APBA2: variants seen among roughly 807,000 people sequenced by gnomAD.
APBA2 encodes the protein amyloid-beta A4 precursor protein-binding family A member 2.
In APBA2, 30 loss-of-function variants were observed where a neutral mutation model predicts 75.0. The observed-to-expected ratio is 0.40, with a 90% CI of 0.30 to 0.54. The LOEUF (loss-of-function observed/expected upper bound fraction) is 0.54. APBA2 is among the 20% of genes least tolerant of loss of function. APBA2 has a pLI of 0.49. For synonymous variants in APBA2, 444 were observed against 409.6 expected (o/e 1.08, Z -1.01); for missense variants, 801 against 1,016.1 (o/e 0.79, Z 2.88).
chr15:29,061,101 C>T (rs555189058), intron 4 of APBA2, among the ~76,000 whole-genome samples: 1 of 152,312 alleles, frequency 6.6e-6, no homozygotes, highest in East Asian at 1.9e-4. Context: ...TGTCCAGCAC[C>T]AAAGATCCTA....
At chr15:29,062,709 A>G (rs2042183551) in intron 4 of APBA2, among the ~76,000 whole-genome samples, 2 of 152,110 alleles carry the variant, frequency 1.3e-5, no homozygotes, top group Admixed American at 6.5e-5. Context: ...TCCCACTACC[A>G]CTAATAGTGA....
intron 4 of APBA2, among the ~76,000 whole-genome samples, chr15:29,058,209 G>A (rs10163088): frequency 0.015 from 2,223 of 152,168 alleles, 67 homozygotes; most frequent in African/African-American, 0.052. Flanking sequence ...TGGTCTGGTC[G>A]ATACGAAAAA....
chr15:29,025,394 C>A (rs1401567190), intron 3 of APBA2, among the ~76,000 whole-genome samples: 1 of 151,738 alleles, frequency 6.6e-6, no homozygotes, highest in Non-Finnish European at 1.5e-5. Context: ...GCCTCCTGAG[C>A]AGCTGGGACT....
chr15:28,904,506 G>A (rs1241892715), intron 1 of APBA2, among the ~76,000 whole-genome samples: 1 of 152,188 alleles, frequency 6.6e-6, no homozygotes, highest in African/African-American at 2.4e-5. Flanking sequence ...AGAATTGCTG[G>A]GCAAAATGTT....
chr15:29,088,527 C>G lies in APBA2; in HGVS notation c.1070-4548C>G, dbSNP rs2043398888. On this transcript the variant is annotated intron_variant, in intron 6 of 14. Transcript: ENST00000683413. ...TAGCGTCCTCATCTTCTCTCAGACT[C>G]CAGTCCACCTTTCCGTCCTGTTGAT... Among the ~76,000 whole-genome samples, 5 of 152,274 alleles carry G rather than the reference C, an allele frequency of 3.3e-5. No individual in the cohort carries two copies. In the South Asian group the frequency reaches 1.0e-3, roughly 32 times the overall value.
At chr15:29,017,067 A>G (rs1566910192) in intron 3 of APBA2, among the ~76,000 whole-genome samples, 1 of 152,006 alleles carries the variant, frequency 6.6e-6, no homozygotes, top group Non-Finnish European at 1.5e-5. Context: ...GGTCCCGGGT[A>G]CCCCTGATTC....
chr15:28,984,205 T>C (rs1250184475), intron 2 of APBA2, among the ~76,000 whole-genome samples: 2 of 152,022 alleles, frequency 1.3e-5, no homozygotes, highest in Non-Finnish European at 2.9e-5. Context: ...GCGTTATTAT[T>C]CGGGACTCTG....
chr15:29,015,365 T>C (rs994035733), intron 3 of APBA2, among the ~76,000 whole-genome samples: 1 of 152,118 alleles, frequency 6.6e-6, no homozygotes, highest in Non-Finnish European at 1.5e-5. Context: ...AAAATTCCAG[T>C]GTTAAGAGAC....
Position 29,046,255 on chromosome 15 carries a change from C to T in APBA2, c.-40-7590C>T, listed in dbSNP as rs2041324251. Among the ~76,000 whole-genome samples, 1 of 152,238 alleles carries T rather than the reference C, an allele frequency of 6.6e-6. No individual in the cohort carries two copies. Among genetic ancestry groups the T allele is most frequent in the East Asian group, 1.9e-4 (1 of 5,200 alleles). On this transcript the variant is annotated intron_variant, in intron 3 of 14. Transcript: ENST00000683413. The surrounding 1 kb of genome is among the most constrained non-coding windows in gnomAD (Gnocchi z 5.0). ...AGATACCAGAAATCCAGTAGGAGAA[C>T]ACTTTCTTTGAAAGAACCACTTGTT...
intron 2 of APBA2, among the ~76,000 whole-genome samples, chr15:28,933,570 T>C (rs1450453142): frequency 6.6e-6 from 1 of 152,234 alleles, no homozygotes; most frequent in East Asian, 1.9e-4. Context: ...AGTGTGGGGC[T>C]CACAGTCTGC....
At position 29,110,082 on chromosome 15, in the gene APBA2, G is replaced by C. The variant is rs543191556; in HGVS notation, c.2037+1693G>C. Among the ~76,000 whole-genome samples the C allele has an allele frequency of 1.7e-4, 26 of 152,374 alleles. No individual in the cohort carries two copies. The South Asian group carries it at 2.1e-3, about 12-fold the overall frequency. Reference sequence around the variant, plus strand: ...AATTTGGGGGCTCTGCAGAAAATCAGCTGGAGCCCTGTCTGCAGCTGCTGT... The same window carrying C: ...AATTTGGGGGCTCTGCAGAAAATCACCTGGAGCCCTGTCTGCAGCTGCTGT... On this transcript the variant is annotated intron_variant, in intron 13 of 14. Transcript: ENST00000683413.
At chr15:29,107,838 T>C (rs1427876409) in intron 12 of APBA2, among the ~76,000 whole-genome samples, 5 of 152,204 alleles carry the variant, frequency 3.3e-5, no homozygotes, top group African/African-American at 9.6e-5. Context: ...AGGTCCGTCC[T>C]TGGAGGGCAT....
At chr15:28,919,015 A>G (rs2152665683) in intron 1 of APBA2, among the ~76,000 whole-genome samples, 2 of 151,908 alleles carry the variant, frequency 1.3e-5, no homozygotes, top group Middle Eastern at 6.8e-3. Context: ...GCCCGCCACC[A>G]CGCCCGGCTA....
chr15:28,988,229 T>C (rs998016291), intron 2 of APBA2, among the ~76,000 whole-genome samples: 6 of 152,094 alleles, frequency 3.9e-5, no homozygotes, highest in Non-Finnish European at 7.4e-5. Context: ...GTAAGCGTTA[T>C]GTAAATGATA....
intron 2 of APBA2, among the ~76,000 whole-genome samples, chr15:28,923,014 G>A (rs1371861821): frequency 3.9e-5 from 6 of 152,182 alleles, no homozygotes; most frequent in Non-Finnish European, 7.3e-5. Context: ...GGACGCTGGG[G>A]AAACCAGGCA....
intron 3 of APBA2, among the ~76,000 whole-genome samples, chr15:29,035,341 C>G (rs1414443314): frequency 6.6e-6 from 1 of 152,164 alleles, no homozygotes; most frequent in Admixed American, 6.5e-5. Flanking sequence ...GATTCAGGAA[C>G]AGCCTGGGAG....
chr15:28,979,529 T>C (rs1430076492), intron 2 of APBA2, among the ~76,000 whole-genome samples: 2 of 152,236 alleles, frequency 1.3e-5, no homozygotes, highest in Non-Finnish European at 2.9e-5. Flanking sequence ...TGAAGCTGTT[T>C]GGAATCCTTC....
intron 4 of APBA2, among the ~76,000 whole-genome samples, chr15:29,058,776 T>TA (rs1459324989): frequency 6.6e-6 from 1 of 152,130 alleles, no homozygotes; most frequent in African/African-American, 2.4e-5. Flanking sequence ...TTTAGTAAAA[T>TA]AAAAAAAGGT....
chr15:29,114,831 TGTGA>T (rs371957833), intron 14 of APBA2, among the ~76,000 whole-genome samples: 29 of 150,844 alleles, frequency 1.9e-4, no homozygotes, highest in East Asian at 5.9e-4. Flanking sequence ...TACGTGTGTG[TGTGA>T]GAGCATGGGG....
Sources: gnomAD v4.1 joint callset for allele counts (sites outside exome capture counted in the v4.1 genomes callset) on GRCh38, gnomAD v4.1.1 for gene constraint, Gnocchi (gnomAD v3.1) non-coding constraint, MANE v1.5 for transcripts, NCBI Gene and HGNC (gene_info 2026-07-23, HGNC 2026-07-21) for gene names.